Variants in COL21A1 observed in about 807,000 individuals in gnomAD.
COL21A1 encodes the protein collagen type XXI alpha 1 chain.
Under a neutral mutation model 137.9 loss-of-function variants are expected in COL21A1, and 149 were observed. The ratio of observed to expected loss-of-function variants is 1.08; its 90% CI spans 0.95 to 1.24. The LOEUF (loss-of-function observed/expected upper bound fraction) is 1.24, where lower values mean the gene tolerates loss of function less well. Among genes scored for constraint, COL21A1 ranks in the 50% most tolerant of loss-of-function variants. COL21A1 has a pLI of 0.00. For missense variants in COL21A1, 1,167 were observed against 1,158.4 expected, an observed-to-expected ratio of 1.01 and a Z score of -0.11; for synonymous variants, 456 against 391.5, an observed-to-expected ratio of 1.16 and a Z score of -1.95.
At chr6:56,274,559 T>C (rs1011540904) in intron 1 of COL21A1, among the ~76,000 whole-genome samples, 2 of 152,196 alleles carry the variant, frequency 1.3e-5, no homozygotes, top group Non-Finnish European at 2.9e-5. Context: ...AGCATTTCTA[T>C]ACACCAATTA....
At chr6:56,160,381 A>G (rs913406555) in intron 9 of COL21A1, among the ~76,000 whole-genome samples, 1 of 152,196 alleles carries the variant, frequency 6.6e-6, no homozygotes, top group African/African-American at 2.4e-5. Flanking sequence ...CTGAGGTCAC[A>G]CAGCAGTGAT....
chr6:56,107,768 C>G (rs1771077503), intron 16 of COL21A1, among the ~76,000 whole-genome samples: 1 of 152,052 alleles, frequency 6.6e-6, no homozygotes, highest in Admixed American at 6.5e-5. Context: ...CAAGCCCTTC[C>G]AAAGGAGGAA....
At position 56,387,531 on chromosome 6, in the gene COL21A1, A is replaced by G. The variant is rs138110918; in HGVS notation, c.-39+6440T>C. ...GATAGAGGCATTGAATAGTGTAGGA[A>G]AGACAGTCTTGCATTGCCTACACCA... On this transcript the variant is annotated intron_variant, in intron 1 of 28. Transcript: ENST00000370819. 3.9e-5 allele frequency among the ~76,000 whole-genome samples: 6 copies of G among 152,266 alleles called. No individual in the cohort carries two copies. In the East Asian group the frequency reaches 9.7e-4, roughly 25 times the overall value.
At chr6:56,370,601 A>G (rs1022946224) in intron 1 of COL21A1, among the ~76,000 whole-genome samples, 2 of 152,220 alleles carry the variant, frequency 1.3e-5, no homozygotes, top group Admixed American at 6.5e-5. Flanking sequence ...ATGTGCTTAT[A>G]TGGCAAAGCT....
chr6:56,317,643 T>C (rs1249499545), intron 1 of COL21A1, among the ~76,000 whole-genome samples: 12 of 152,266 alleles, frequency 7.9e-5, no homozygotes, highest in Admixed American at 7.2e-4. Context: ...CATTGGTCAC[T>C]ACAAATAACT....
At chr6:56,165,083 G>A (rs1328892021) in intron 7 of COL21A1, among the ~76,000 whole-genome samples, 1 of 152,058 alleles carries the variant, frequency 6.6e-6, no homozygotes, top group African/African-American at 2.4e-5. Context: ...AGAGCTGCTT[G>A]ATATAATAGC....
At chr6:56,078,249 C>CA in intron 17 of COL21A1, 1 of 455,312 alleles carries the variant, frequency 2.2e-6, no homozygotes, top group Non-Finnish European at 4.4e-6. Context: ...AAATTTAGCA[C>CA]ATTTATTGCT....
chr6:56,094,005 G>A (rs188635742), intron 17 of COL21A1, among the ~76,000 whole-genome samples: 163 of 152,178 alleles, frequency 1.1e-3, no homozygotes, highest in African/African-American at 3.7e-3. Context: ...GCATGCTTGC[G>A]TAACAGTGAA....
intron 16 of COL21A1, among the ~76,000 whole-genome samples, chr6:56,109,731 G>A (rs1219843264): frequency 6.6e-6 from 1 of 151,784 alleles, no homozygotes; most frequent in African/African-American, 2.4e-5. Flanking sequence ...ACAAGAATAA[G>A]GCAATATTGT....
At chr6:56,059,096 A>G (rs1765569088) in intron 29 of COL21A1, 69 bp downstream of exon 29, 1 of 1,170,030 alleles carries the variant, frequency 8.5e-7, no homozygotes, top group Non-Finnish European at 1.3e-6. Context: ...TTTATTTCAC[A>G]TAGATCTATG....
chr6:56,268,549 G>A (rs939892010), intron 1 of COL21A1, among the ~76,000 whole-genome samples: 3 of 152,150 alleles, frequency 2.0e-5, no homozygotes, highest in Non-Finnish European at 2.9e-5. Flanking sequence ...ATATACCCCT[G>A]TGAAACCAAG....
In COL21A1 at chr6:56,097,871, C is replaced by CTA. The variant is rs1769567973; in HGVS notation, c.1812+3599_1812+3600dup. Among the ~76,000 whole-genome samples, 3 of 41,744 alleles carry CTA rather than the reference C, an allele frequency of 7.2e-5. 1 individual carries two copies. The highest frequency in any genetic ancestry group is 3.4e-4 in the Admixed American group (1 of 2,964). The allele number at this position is 41,744 out of a possible 152,430, so 27.4% of individuals were successfully genotyped here. ...AATATATATAAATATATAAAAATAT[C>CTA]TATAAATATATAAATATATATAAAT... is the stretch of plus-strand genomic sequence containing the variant. On this transcript the variant is annotated intron_variant, in intron 17 of 29. Transcript: ENST00000244728.
At chr6:56,209,958 G>A (rs1780052762) in intron 1 of COL21A1, among the ~76,000 whole-genome samples, 2 of 152,124 alleles carry the variant, frequency 1.3e-5, no homozygotes, top group East Asian at 1.9e-4. Flanking sequence ...AAAGAAGGAG[G>A]AGTTCATGTC....
Position 56,156,947 on chromosome 6 carries a change from A to C in COL21A1, c.1374T>G (p.Gly458=), listed in dbSNP as rs373382792. Residue 458 remains glycine, a splice_region_variant and synonymous_variant, in exon 10 of 30, where the codon GGT becomes GGG. Transcript: ENST00000244728. ...CAGGGTTCCCAGGCAGTCCAGGGTC[A>C]CCCTAAGCAGGAAGCAAACAAACTT... ...PGKPGLQGPK[G]DPGLPGNPGY... 3.0e-4 allele frequency: 483 copies of C among 1,610,492 alleles called. 3 individuals carry two copies. In the African/African-American group the frequency reaches 5.9e-3, roughly 20 times the overall value.
chr6:56,134,403 G>A (rs1431099985), intron 12 of COL21A1, among the ~76,000 whole-genome samples: 2 of 152,122 alleles, frequency 1.3e-5, no homozygotes, highest in African/African-American at 4.8e-5. Context: ...TTTTATCTAG[G>A]AAATAATTAA....
intron 1 of COL21A1, among the ~76,000 whole-genome samples, chr6:56,214,160 T>C (rs1204905771): frequency 6.6e-6 from 1 of 152,036 alleles, no homozygotes; most frequent in Non-Finnish European, 1.5e-5. Context: ...AATTTCAAGT[T>C]CCATGATAAA....
chr6:56,266,487 C>G (rs1282985791), intron 1 of COL21A1, among the ~76,000 whole-genome samples: 1 of 152,234 alleles, frequency 6.6e-6, no homozygotes, highest in Non-Finnish European at 1.5e-5. Context: ...TGCATGGGAA[C>G]AGAGACTGTA....
chr6:56,102,210 A>G (rs12195340), intron 16 of COL21A1, among the ~76,000 whole-genome samples: 23,111 of 152,164 alleles, frequency 0.15, 1,784 homozygotes, highest in Middle Eastern at 0.22. Flanking sequence ...CTACTAAAAC[A>G]ATAAATATTA....
intron 1 of COL21A1, among the ~76,000 whole-genome samples, chr6:56,374,551 C>T (rs187778727): frequency 6.6e-6 from 1 of 151,946 alleles, no homozygotes; most frequent in Non-Finnish European, 1.5e-5. Flanking sequence ...GGTGAAACCC[C>T]ATCTCTACTG....
Sources: allele counts gnomAD v4.1 joint callset (sites outside exome capture counted in the v4.1 genomes callset), GRCh38; gene constraint gnomAD v4.1.1; transcripts MANE v1.5; gene names NCBI Gene and HGNC (gene_info 2026-07-23, HGNC 2026-07-21).